ST18: variants seen among roughly 807,000 people sequenced by gnomAD.
The protein encoded by ST18 is ST18 C2H2C-type zinc finger transcription factor, also known as suppression of tumorigenicity 18 protein.
Under a neutral mutation model 110.0 loss-of-function variants are expected in ST18, and 50 were observed. That is an observed-to-expected ratio of 0.45 (90% CI 0.36 to 0.58). The LOEUF (loss-of-function observed/expected upper bound fraction) is 0.58. Ranked by LOEUF, ST18 falls within the 20% of genes least tolerant of loss-of-function variation. ST18 has a pLI of 0.00. For synonymous variants in ST18, 461 were observed against 452.4 expected (o/e 1.02, Z -0.24); for missense variants, 1,306 against 1,280.1 (o/e 1.02, Z -0.31).
At chr8:52,376,486 G>A (rs1229969976) in intron 2 of ST18, among the ~76,000 whole-genome samples, 1 of 152,126 alleles carries the variant, frequency 6.6e-6, no homozygotes, top group Non-Finnish European at 1.5e-5. Flanking sequence ...ACTTAACACT[G>A]CAAATTGCTT....
intron 2 of ST18, among the ~76,000 whole-genome samples, chr8:52,348,519 G>A (rs543615654): frequency 3.9e-5 from 6 of 152,334 alleles, no homozygotes; most frequent in Admixed American, 2.0e-4. Context: ...TCGGGAAGCC[G>A]AGGCGGGCAT....
intron 2 of ST18, among the ~76,000 whole-genome samples, chr8:52,315,912 C>T (rs1309328283): frequency 2.6e-5 from 4 of 152,168 alleles, no homozygotes; most frequent in Admixed American, 2.6e-4. Flanking sequence ...AAAATTATTA[C>T]AGATTATACT....
intron 2 of ST18, among the ~76,000 whole-genome samples, chr8:52,276,305 ACACCTCACACAAACACACCG>A (rs2095263076): frequency 6.7e-6 from 1 of 148,756 alleles, no homozygotes; most frequent in South Asian, 2.2e-4. Context: ...ACCACATACC[ACACCTCACACAAACACACCG>A]CACCTCACAC....
At chr8:52,292,632 A>G (rs771271738) in intron 2 of ST18, among the ~76,000 whole-genome samples, 5 of 152,240 alleles carry the variant, frequency 3.3e-5, no homozygotes, top group Admixed American at 6.5e-5. Flanking sequence ...GTCTTGGCTC[A>G]GCATTCCTGT....
In ST18 at chr8:52,113,151, G is replaced by A. The variant is rs200685679; in HGVS notation, c.*47C>T. 7 of 1,608,120 alleles carry A rather than the reference G, an allele frequency of 4.4e-6. No individual in the cohort carries two copies. In the East Asian group the frequency reaches 1.6e-4, roughly 36 times the overall value. ...CATGAACCTCTAACAGATCCATCTG[G>A]AGTTTACTGCTGTTGGTAACTTCTG... On this transcript the variant is annotated 3_prime_UTR_variant, in exon 26 of 26. Transcript: ENST00000689386.
At chr8:52,139,841 C>T (rs1042920964) in intron 17 of ST18, among the ~76,000 whole-genome samples, 2 of 152,126 alleles carry the variant, frequency 1.3e-5, no homozygotes, top group African/African-American at 4.8e-5. Context: ...CTGGAGACAA[C>T]ATTATACGGG....
chr8:52,368,710 A>G (rs1829128112), intron 2 of ST18, among the ~76,000 whole-genome samples: 1 of 152,236 alleles, frequency 6.6e-6, no homozygotes, highest in African/African-American at 2.4e-5. Context: ...AACCTGGAAG[A>G]TTCATACATA....
chr8:52,215,681 TAAGA>T (rs2083918624), intron 6 of ST18, among the ~76,000 whole-genome samples: 1 of 152,200 alleles, frequency 6.6e-6, no homozygotes, highest in African/African-American at 2.4e-5. Context: ...AACTACACAA[TAAGA>T]GAAAACAACA....
At chr8:52,116,447 G>A (rs1476753657) in intron 24 of ST18, 29 bp from the exon 25 acceptor site, 1 of 1,601,104 alleles carries the variant, frequency 6.2e-7, no homozygotes, top group Non-Finnish European at 8.5e-7. Context: ...GGGAATGTGA[G>A]TAGTGGAGTT....
chr8:52,190,478 C>A (rs1026101754), intron 8 of ST18, among the ~76,000 whole-genome samples: 1 of 152,148 alleles, frequency 6.6e-6, no homozygotes, highest in Non-Finnish European at 1.5e-5. Flanking sequence ...ACTGCCATCA[C>A]GTCAAACAAG....
chr8:52,243,328 A>G (rs564871597), intron 2 of ST18, among the ~76,000 whole-genome samples: 114 of 152,310 alleles, frequency 7.5e-4, no homozygotes, highest in Middle Eastern at 3.4e-3. Context: ...TATTAATAAG[A>G]AAAATAAAAC....
intron 25 of ST18, among the ~76,000 whole-genome samples, chr8:52,113,960 T>TTTTG (rs2041470038): frequency 2.0e-5 from 1 of 49,932 alleles, no homozygotes; most frequent in Non-Finnish European, 3.6e-5. Flanking sequence ...CCGTGTTTTT[T>TTTTG]TTTTTTTTTT....
At chr8:52,197,585 T>C (rs971143373) in intron 8 of ST18, among the ~76,000 whole-genome samples, 1 of 152,084 alleles carries the variant, frequency 6.6e-6, no homozygotes, top group African/African-American at 2.4e-5. Flanking sequence ...AGTACGGTAA[T>C]GAATAAAGTA....
At chr8:52,150,072 T>G in intron 15 of ST18, 95 bp from the exon 16 acceptor site, 1 of 1,454,490 alleles carries the variant, frequency 6.9e-7, no homozygotes, top group South Asian at 1.4e-5. Flanking sequence ...AATGTAAGCT[T>G]TTATGTAAGT....
At position 52,164,015 on chromosome 8, in the gene ST18, T is replaced by C. The variant is rs373590188; in HGVS notation, c.1371A>G (p.Gln457=). The change falls in exon 13 of 26, where the codon CAA becomes CAG. Residue 457 remains glutamine, a synonymous_variant. Coordinates refer to ENST00000689386, the MANE Select transcript of ST18 (RefSeq NM_001352837.2). The stretch of plus-strand genomic sequence containing the variant: ...GGGCCTGGTCAGGACACTGCCCAGT[T>C]TGGGGAGAATCAAGCTGATTTTTAT... ...SQDKNQLDSP[Q]TGQCPDQAHR... The C allele has an allele frequency of 1.2e-6, 2 of 1,614,064 alleles. No individual in the cohort carries two copies. The highest frequency in any genetic ancestry group is 1.1e-5 in the South Asian group (1 of 91,066).
At chr8:52,312,185 C>T (rs1013056235) in intron 2 of ST18, among the ~76,000 whole-genome samples, 4 of 152,140 alleles carry the variant, frequency 2.6e-5, no homozygotes, top group African/African-American at 9.7e-5. Flanking sequence ...TCCCTCAAGC[C>T]CTTATTCTAT....
In ST18 at chr8:52,194,847, C is replaced by T. The variant is rs140487907; in HGVS notation, c.87-14535G>A. On this transcript the variant is annotated intron_variant, in intron 8 of 25. Coordinates refer to ENST00000689386, the MANE Select transcript of ST18 (RefSeq NM_001352837.2). ...AGTTCCAAAGTCTACTCTTCAAGAACATGAACAATCATATCATTTTAAAGA... is the reference window on the plus strand; with the variant it reads ...AGTTCCAAAGTCTACTCTTCAAGAATATGAACAATCATATCATTTTAAAGA... 5 of 152,304 alleles carry T rather than the reference C, an allele frequency of 3.3e-5. No individual in the cohort carries two copies. In the East Asian group the frequency reaches 9.6e-4, roughly 29 times the overall value. 9.4% of individuals were successfully genotyped at this position (152,304 alleles called of 1,614,324 possible).
At chr8:52,188,840 A>G (rs1488432330) in intron 8 of ST18, among the ~76,000 whole-genome samples, 1 of 152,210 alleles carries the variant, frequency 6.6e-6, no homozygotes, top group African/African-American at 2.4e-5. Flanking sequence ...AGGGTCAAGA[A>G]TGCCTACAAG....
intron 2 of ST18, among the ~76,000 whole-genome samples, chr8:52,374,048 T>C (rs1012724624): frequency 1.3e-5 from 2 of 152,192 alleles, no homozygotes; most frequent in African/African-American, 4.8e-5. Context: ...TGTCTTGCTT[T>C]CTACTTCACT....
Sources: allele counts gnomAD v4.1 joint callset (sites outside exome capture counted in the v4.1 genomes callset), GRCh38; gene constraint gnomAD v4.1.1; transcripts MANE v1.5; gene names NCBI Gene and HGNC (gene_info 2026-07-23, HGNC 2026-07-21).